GARRE1: variants seen among roughly 807,000 people sequenced by gnomAD.
GARRE1 encodes the protein granule associated Rac and RHOG effector 1, also known as granule associated Rac and RHOG effector protein 1.
GARRE1 carries 49 observed loss-of-function variants against 103.2 expected under a neutral mutation model. The ratio of observed to expected loss-of-function variants is 0.47; its 90% CI spans 0.38 to 0.60. The LOEUF is 0.60. GARRE1 is among the 20% of genes least tolerant of loss of function. GARRE1 has a pLI of 0.00. For missense variants in GARRE1, 1,199 were observed against 1,370.5 expected (o/e 0.87, Z 1.98); for synonymous variants, 505 against 532.8 (o/e 0.95, Z 0.72).
At chr19:34,352,475 A>T (rs1599787054) in intron 13 of GARRE1, among the ~76,000 whole-genome samples, 172 bp from the exon 14 acceptor site, 1 of 151,686 alleles carries the variant, frequency 6.6e-6, no homozygotes, top group East Asian at 1.9e-4. Flanking sequence ...ACTAGACCGT[A>T]TAGGCACAGA....
chr19:34,327,271 C>T, intron 3 of GARRE1, 150 bp from the exon 4 acceptor site: 1 of 643,754 alleles, frequency 1.6e-6, no homozygotes, highest in Admixed American at 3.2e-5. Flanking sequence ...CTTTGCAATA[C>T]AAACAATCTA....
Position 34,328,031 on chromosome 19 carries a change from G to T in GARRE1, c.984G>T (p.Arg328Ser), listed in dbSNP as rs199542234. 2.9e-4 allele frequency: 475 copies of T among 1,614,020 alleles called. 1 individual carries two copies. The highest frequency in any genetic ancestry group is 3.8e-4 in the Non-Finnish European group (451 of 1,180,040). ...CGGAAGCCCAGCAGACGGGGCGGAG[G>T]CAGACACCCCCGCAGCCCATGCAGT... is the stretch of plus-strand genomic sequence containing the variant. ...SEAEAQQTGR[R>S]QTPPQPMQCE... The change falls in exon 6 of 14, where the codon AGG (arginine) becomes AGT (serine). Residue 328 changes from arginine (R) to serine (S), a missense_variant. Arg to Ser is a moderately radical substitution (Grantham distance 110, BLOSUM62 -1). Transcript: ENST00000299505.
In GARRE1 at chr19:34,352,931, G is replaced by A. The variant is rs777810294; in HGVS notation, c.3189G>A (p.Arg1063=). The change falls in exon 14 of 14, where the codon AGG becomes AGA. Residue 1063 remains arginine, a synonymous_variant. Transcript: ENST00000299505. ...FKAFPGKGER[R]PAYLPQY ...CCTTCCCTGGGAAGGGTGAGCGCAG[G>A]CCAGCCTATCTGCCCCAGTACTGAC... is the stretch of plus-strand genomic sequence containing the variant. 1.9e-6 allele frequency: 3 copies of A among 1,558,694 alleles called. No homozygotes were observed. Among genetic ancestry groups the A allele is most frequent in the Non-Finnish European group, 2.6e-6 (3 of 1,152,248 alleles).
intron 1 of GARRE1, among the ~76,000 whole-genome samples, chr19:34,270,918 G>T (rs1026628277): frequency 5.9e-5 from 9 of 152,108 alleles, no homozygotes; most frequent in African/African-American, 2.2e-4. Flanking sequence ...AGCACTTCTG[G>T]CCTCTACCCA....
intron 2 of GARRE1, among the ~76,000 whole-genome samples, chr19:34,313,636 A>G (rs1287534315): frequency 6.6e-6 from 1 of 152,204 alleles, no homozygotes; most frequent in African/African-American, 2.4e-5. Context: ...GTTTATCAAT[A>G]GTATTCTTGA....
chr19:34,351,679 C>A, intron 13 of GARRE1, 87 bp downstream of exon 13: 1 of 887,932 alleles, frequency 1.1e-6, no homozygotes, highest in Non-Finnish European at 1.8e-6. Context: ...GAGGGATCTT[C>A]TTTGTGGTGA....
intron 2 of GARRE1, among the ~76,000 whole-genome samples, chr19:34,316,055 G>A (rs1204806261): frequency 6.6e-6 from 1 of 152,190 alleles, no homozygotes; most frequent in Non-Finnish European, 1.5e-5. Flanking sequence ...AGAAAGAGTA[G>A]CCTGGTGGTT....
chr19:34,263,955 G>A (rs1183366539), intron 1 of GARRE1, among the ~76,000 whole-genome samples: 7 of 152,090 alleles, frequency 4.6e-5, no homozygotes, highest in Admixed American at 3.9e-4. Flanking sequence ...AAATGGGGAG[G>A]TAGTAATACC....
chr19:34,312,126 T>C (rs2074040110), intron 2 of GARRE1, among the ~76,000 whole-genome samples: 1 of 152,084 alleles, frequency 6.6e-6, no homozygotes, highest in Non-Finnish European at 1.5e-5. Context: ...TGTTTCTGTT[T>C]TTGTTTTTGT....
chr19:34,303,727 T>TG (rs1408663873), intron 2 of GARRE1, among the ~76,000 whole-genome samples: 31 of 152,206 alleles, frequency 2.0e-4, no homozygotes, highest in African/African-American at 7.0e-4. Flanking sequence ...GCAATTCTCT[T>TG]GCCTCAGCCT....
chr19:34,307,971 T>C (rs1239784046), intron 2 of GARRE1, among the ~76,000 whole-genome samples: 2 of 151,320 alleles, frequency 1.3e-5, no homozygotes, highest in Admixed American at 6.6e-5. Flanking sequence ...CTCAAATCTT[T>C]ACACAGTTGC....
chr19:34,279,416 C>T (rs548730950), intron 1 of GARRE1, among the ~76,000 whole-genome samples: 7 of 151,906 alleles, frequency 4.6e-5, no homozygotes, highest in African/African-American at 4.8e-5. Context: ...GGTGATCCTC[C>T]CACCTCAGCC....
Position 34,353,252 on chromosome 19 carries a change from G to C in GARRE1, c.*297G>C. 1 of 420,280 alleles carries C rather than the reference G, an allele frequency of 2.4e-6. No homozygotes were observed. The highest frequency in any genetic ancestry group is 3.9e-5 in the Admixed American group (1 of 25,684). 26.0% of individuals were successfully genotyped at this position (420,280 alleles called of 1,614,324 possible). A position where few individuals can be genotyped will look rare whatever the true frequency, so the allele number is the denominator to read the frequency against. On this transcript the variant is annotated 3_prime_UTR_variant, in exon 14 of 14. Transcript: ENST00000299505. ...AGCGCCACAGGTGACTCTGATGCAG[G>C]CGCCACAGCCACACTTGAAGAAACA...
At chr19:34,345,368 G>T (rs2074206250) in intron 10 of GARRE1, among the ~76,000 whole-genome samples, 1 of 152,268 alleles carries the variant, frequency 6.6e-6, no homozygotes, top group Admixed American at 6.5e-5. Context: ...GCCACAAGAA[G>T]GGTAAACACC....
At position 34,353,120 on chromosome 19, in the gene GARRE1, C is replaced by T; in HGVS notation, c.*165C>T. On this transcript the variant is annotated 3_prime_UTR_variant, in exon 14 of 14. Transcript: ENST00000299505. The stretch of plus-strand genomic sequence containing the variant: ...GACAAGGGTGGTTGGCAGCTCCAAG[C>T]CTTTAAACCTGGCTTCTGAAACGAT... 1.6e-6 allele frequency: 1 copy of T among 632,694 alleles called. No individual in the cohort carries two copies. Among genetic ancestry groups the T allele is most frequent in the Non-Finnish European group, 2.7e-6 (1 of 377,026 alleles). 39.2% of individuals were successfully genotyped at this position (632,694 alleles called of 1,614,324 possible). A position where few individuals can be genotyped will look rare whatever the true frequency, so the allele number is the denominator to read the frequency against.
chr19:34,270,941 C>T (rs1012492203), intron 1 of GARRE1, among the ~76,000 whole-genome samples: 7 of 152,150 alleles, frequency 4.6e-5, no homozygotes, highest in Non-Finnish European at 8.8e-5. Flanking sequence ...GGATGCTACC[C>T]ACTAGCACTT....
intron 10 of GARRE1, 141 bp from the exon 11 acceptor site, chr19:34,347,736 C>A: frequency 1.3e-6 from 1 of 753,716 alleles, no homozygotes; most frequent in Non-Finnish European, 2.0e-6. Flanking sequence ...GCACAGCCTA[C>A]AGCCCACGCT....
At chr19:34,305,635 A>G (rs1030776556) in intron 2 of GARRE1, among the ~76,000 whole-genome samples, 4 of 152,252 alleles carry the variant, frequency 2.6e-5, no homozygotes, top group Non-Finnish European at 5.9e-5. Context: ...CCTGTTGCCC[A>G]GGGCAGGACA....
intron 1 of GARRE1, among the ~76,000 whole-genome samples, chr19:34,280,239 C>T (rs2145221517): frequency 6.6e-6 from 1 of 152,242 alleles, no homozygotes; most frequent in South Asian, 2.1e-4. Flanking sequence ...TCACCTCCTC[C>T]CAGGCTCCAC....
Sources: gnomAD v4.1 joint callset for allele counts (sites outside exome capture counted in the v4.1 genomes callset) on GRCh38, gnomAD v4.1.1 for gene constraint, MANE v1.5 for transcripts, NCBI Gene and HGNC (gene_info 2026-07-23, HGNC 2026-07-21) for gene names.